Variants in BPIFA3 observed in about 807,000 individuals in gnomAD.
BPIFA3 encodes BPI fold containing family A member 3.
A neutral mutation model predicts 29.7 loss-of-function variants in BPIFA3; 32 were observed. The observed-to-expected ratio is 1.08, with a 90% CI of 0.81 to 1.45. The LOEUF is 1.45. BPIFA3 is among the 40% of genes most tolerant of loss of function. The probability of loss-of-function intolerance (pLI) is 0.00; values close to 1 mark genes in which losing one functional copy is unlikely to be tolerated. For missense variants in BPIFA3, 323 were observed against 311.3 expected (o/e 1.04, Z -0.28); for synonymous variants, 112 against 113.7 (o/e 0.98, Z 0.10).
At chr20:33,219,157 G>A (rs1483781361) in intron 1 of BPIFA3, among the ~76,000 whole-genome samples, 2 of 152,046 alleles carry the variant, frequency 1.3e-5, no homozygotes, top group Non-Finnish European at 2.9e-5. Flanking sequence ...TACCCACCTC[G>A]GCCTCCCAAA....
chr20:33,226,632 T>C (rs958247263), intron 5 of BPIFA3, 142 bp downstream of exon 5: 19 of 717,506 alleles, frequency 2.6e-5, no homozygotes, highest in Non-Finnish European at 3.9e-5. Context: ...AGTTTGGCCA[T>C]GAGTTTTGCC....
chr20:33,220,306 G>A (rs1165849159), intron 1 of BPIFA3, among the ~76,000 whole-genome samples: 1 of 151,878 alleles, frequency 6.6e-6, no homozygotes, highest in Non-Finnish European at 1.5e-5. Context: ...GCTGAGGTAG[G>A]AGAATGACGT....
Position 33,224,393 on chromosome 20 carries a change from T to G in BPIFA3, c.317T>G (p.Ile106Ser), listed in dbSNP as rs1985675665. The change falls in exon 3 of 7, where the codon ATC becomes AGC. Residue 106 changes from isoleucine to serine, a missense_variant. By Grantham distance (142) the Ile-to-Ser change is moderately radical. Coordinates refer to ENST00000375454, the MANE Select transcript of BPIFA3 (RefSeq NM_178466.5). ...ITNIQLDCGG[I>S]QISFHKEWFS... ...AACATTCAGCTGGACTGTGGTGGGA[T>G]CCAGATATCATTCCATAAGGAGTGG... 1.2e-6 allele frequency: 2 copies of G among 1,614,208 alleles called. No individual in the cohort carries two copies. The highest frequency in any genetic ancestry group is 8.5e-7 in the Non-Finnish European group (1 of 1,180,020).
intron 1 of BPIFA3, 113 bp from the exon 2 acceptor site, chr20:33,223,698 C>A: frequency 1.7e-6 from 2 of 1,145,936 alleles, no homozygotes; most frequent in Non-Finnish European, 2.5e-6. Context: ...TGACATGCAC[C>A]ACTCACTAAG....
chr20:33,219,690 T>C (rs1053023250), intron 1 of BPIFA3, among the ~76,000 whole-genome samples: 2 of 152,264 alleles, frequency 1.3e-5, no homozygotes, highest in African/African-American at 4.8e-5. Flanking sequence ...CCCTATGCTG[T>C]ATCTGTACAT....
chr20:33,220,172 G>A (rs143681211), intron 1 of BPIFA3, among the ~76,000 whole-genome samples: 1,702 of 151,898 alleles, frequency 0.011, 31 homozygotes, highest in African/African-American at 0.039. Flanking sequence ...GCTGAGGTGG[G>A]CGAATCACAA....
Position 33,224,004 on chromosome 20 carries a change from G to A in BPIFA3, c.278+43G>A, listed in dbSNP as rs781274654. 4 of 1,606,712 alleles carry A rather than the reference G, an allele frequency of 2.5e-6. No individual in the cohort carries two copies. The East Asian group carries it at 9.0e-5, about 36-fold the overall frequency. ...ATCCGTGGCCCTGGAACTCTTTATAGAGCTCTAGATCGAAGGGTAGAGCTG... is the reference window on the plus strand; with the variant it reads ...ATCCGTGGCCCTGGAACTCTTTATAAAGCTCTAGATCGAAGGGTAGAGCTG... On this transcript the variant is annotated intron_variant, in intron 2 of 6. Transcript: ENST00000375454.
At chr20:33,224,824 A>G (rs963638406) in intron 3 of BPIFA3, among the ~76,000 whole-genome samples, 2 of 152,194 alleles carry the variant, frequency 1.3e-5, no homozygotes, top group Non-Finnish European at 2.9e-5. Flanking sequence ...GGGAGGATGC[A>G]GCTAAATGGG....
intron 1 of BPIFA3, among the ~76,000 whole-genome samples, chr20:33,222,702 G>T (rs1454818826): frequency 6.6e-6 from 1 of 151,752 alleles, no homozygotes; most frequent in East Asian, 1.9e-4. Context: ...GCGGATGAAT[G>T]GATGGATGGA....
Position 33,224,031 on chromosome 20 carries a change from T to TG in BPIFA3, c.278+76dup, listed in dbSNP as rs1985657860. The TG allele has an allele frequency of 3.2e-6, 5 of 1,556,158 alleles. No homozygotes were observed. In the South Asian group the frequency reaches 3.5e-5, roughly 11 times the overall value. ...GCTCTAGATCGAAGGGTAGAGCTGA[T>TG]GGGGGGCTGGGGAGGTGCAAGGCCT... On this transcript the variant is annotated intron_variant, in intron 2 of 6. Transcript: ENST00000375454.
chr20:33,220,633 C>A (rs747481394), intron 1 of BPIFA3, among the ~76,000 whole-genome samples: 7 of 152,112 alleles, frequency 4.6e-5, no homozygotes, highest in Non-Finnish European at 1.0e-4. Context: ...GCTACCTAAT[C>A]TTCTATTATA....
chr20:33,221,683 A>C (rs1985522865), intron 1 of BPIFA3, among the ~76,000 whole-genome samples: 1 of 152,032 alleles, frequency 6.6e-6, no homozygotes, highest in Admixed American at 6.5e-5. Flanking sequence ...AAGCTCTCAG[A>C]GAATGAGATC....
chr20:33,220,875 A>T (rs1985479044), intron 1 of BPIFA3, among the ~76,000 whole-genome samples: 1 of 152,206 alleles, frequency 6.6e-6, no homozygotes, highest in Non-Finnish European at 1.5e-5. Context: ...TTCTACAGGA[A>T]TGGAAATTAA....
intron 4 of BPIFA3, chr20:33,226,193 A>ATTGCCATGTTTCTAATATAACCAGCAC: frequency 2.0e-6 from 1 of 501,244 alleles, no homozygotes; most frequent in South Asian, 2.6e-5. Context: ...CTGGTGCTCT[A>ATTGCCATGTTTCTAATATAACCAGCAC]TTGCCATGTT....
intron 5 of BPIFA3, 91 bp from the exon 6 acceptor site, chr20:33,226,839 A>T (rs377261494): frequency 2.0e-6 from 3 of 1,527,752 alleles, no homozygotes; most frequent in East Asian, 2.3e-5. Context: ...ACTGGAAAAA[A>T]TCCCATGGAG....
Position 33,224,425 on chromosome 20 carries a change from G to A in BPIFA3, c.349G>A (p.Ala117Thr). The change falls in exon 3 of 7, where the codon GCA becomes ACA. Residue 117 changes from alanine (A) to threonine (T), a missense_variant. Physicochemically the swap from Ala to Thr is moderately conservative, Grantham distance 58. Coordinates refer to ENST00000375454, the MANE Select transcript of BPIFA3 (RefSeq NM_178466.5). ...ATCATTCCATAAGGAGTGGTTCTCG[G>A]CAAATATCTCACTTGAATTTGACCT... ...QISFHKEWFS[A>T]NISLEFDLEL... 1 of 1,614,094 alleles carries A rather than the reference G, an allele frequency of 6.2e-7. No homozygotes were observed. The highest frequency in any genetic ancestry group is 8.5e-7 in the Non-Finnish European group (1 of 1,179,932).
intron 4 of BPIFA3, chr20:33,225,465 G>A (rs1023552460): frequency 1.7e-6 from 1 of 588,992 alleles, no homozygotes; most frequent in South Asian, 2.4e-5. Flanking sequence ...ATCATCACAA[G>A]TTCCCATCAA....
chr20:33,223,950 G>T lies in BPIFA3; in HGVS notation c.267G>T (p.Gln89His). The T allele has an allele frequency of 6.2e-7, 1 of 1,614,076 alleles. No homozygotes were observed. Among genetic ancestry groups the T allele is most frequent in the Non-Finnish European group, 8.5e-7 (1 of 1,180,012 alleles). Residue 89 changes from glutamine (Q) to histidine (H), a missense_variant, in exon 2 of 7, where the codon CAG (glutamine) becomes CAT (histidine). By Grantham distance (24) the Gln-to-His change is conservative (BLOSUM62 0). Transcript: ENST00000375454. ...TCAGCGGCAGGAAACACCAGCAGCA[G>T]CAAGAGAGCAGGTGAGACCCTGAGT... ...WLISGRKHQQ[Q>H]QESSINITNI...
At chr20:33,224,080 T>C in intron 2 of BPIFA3, 119 bp downstream of exon 2, 1 of 1,313,346 alleles carries the variant, frequency 7.6e-7, no homozygotes. Flanking sequence ...GTAGGAAGAT[T>C]GAAAGAAGAG....
Sources: gnomAD v4.1 joint callset for allele counts (sites outside exome capture counted in the v4.1 genomes callset) on GRCh38, gnomAD v4.1.1 for gene constraint, MANE v1.5 for transcripts, NCBI Gene and HGNC (gene_info 2026-07-23, HGNC 2026-07-21) for gene names.